The following RTL9 variants were observed in gnomAD, a reference collection of about 807,000 sequenced individuals.
The protein encoded by RTL9 is retrotransposon Gag like 9.
Under a neutral mutation model 44.7 loss-of-function variants are expected in RTL9, and 19 were observed. The ratio of observed to expected loss-of-function variants is 0.42; its 90% CI spans 0.30 to 0.62. RTL9 has a LOEUF of 0.62. Among genes scored for constraint, RTL9 ranks in the 20% least tolerant of loss-of-function variants. The probability of loss-of-function intolerance (pLI) is 0.16; values close to 1 mark genes in which losing one functional copy is unlikely to be tolerated. For synonymous variants in RTL9, 407 were observed against 398.9 expected (o/e 1.02, Z -0.24); for missense variants, 1,105 against 1,080.6 (o/e 1.02, Z -0.32).
intron 1 of RTL9, among the ~76,000 whole-genome samples, chrX:110,379,313 T>C (rs946959099): frequency 2.7e-5 from 3 of 112,111 alleles, no homozygotes; most frequent in African/African-American, 9.7e-5. Context: ...CAGAGAAAAA[T>C]GAAAAAAATA....
At chrX:110,368,502 C>T (rs1366150632) in intron 1 of RTL9, among the ~76,000 whole-genome samples, 2 of 111,920 alleles carry the variant, frequency 1.8e-5, no homozygotes, top group Non-Finnish European at 3.8e-5. Context: ...GTTTCTTCCT[C>T]ATAGAGTGTC....
At chrX:110,410,962 G>A (rs1012489953) in intron 1 of RTL9, among the ~76,000 whole-genome samples, 7 of 112,176 alleles carry the variant, frequency 6.2e-5, no homozygotes, top group Non-Finnish European at 1.1e-4. Flanking sequence ...TCCTATTTTG[G>A]TTCCTAAATG....
At chrX:110,417,172 C>T (rs1053459040), upstream of RTL9, among the ~76,000 whole-genome samples, 8 of 112,145 alleles carry the variant, frequency 7.1e-5, no homozygotes, top group African/African-American at 2.3e-4. Flanking sequence ...ACTCTGAATC[C>T]CTCCTCTCGG....
exon 1 of RTL9, chrX:110,451,490 T>G: frequency 8.3e-7 from 1 of 1,211,831 alleles, no homozygotes; most frequent in Non-Finnish European, 1.1e-6. Flanking sequence ...CCCAAAACTC[T>G]GGGGGAATAC....
rs781000543 is a variant in RTL9, at chrX:110,369,540, AT to A, written c.-168+10631del. On this transcript the variant is annotated intron_variant, in intron 1 of 2. Coordinates refer to the RTL9 transcript ENST00000520821. Reference sequence around the variant, plus strand: ...ATTTCTAAACTGGAATTATAGCACAATTTTTTTAGAAACAGAAGTTAGATGA... The same window carrying A: ...ATTTCTAAACTGGAATTATAGCACAATTTTTTAGAAACAGAAGTTAGATGA... Among the ~76,000 whole-genome samples the A allele has an allele frequency of 2.7e-5, 3 of 110,636 alleles. No homozygotes were observed. In the East Asian group the frequency reaches 8.5e-4, roughly 31 times the overall value.
intron 1 of RTL9, among the ~76,000 whole-genome samples, chrX:110,372,443 T>A (rs1339265560): frequency 8.9e-6 from 1 of 112,000 alleles, no homozygotes; most frequent in African/African-American, 3.2e-5. Flanking sequence ...TTTATGCACA[T>A]AAAGGCTTAA....
intron 1 of RTL9, among the ~76,000 whole-genome samples, chrX:110,365,804 T>C (rs1294832326): frequency 9.0e-6 from 1 of 111,638 alleles, no homozygotes; most frequent in Non-Finnish European, 1.9e-5. Flanking sequence ...TTGCAAAGAG[T>C]GAGCGAGGTG....
upstream of RTL9, among the ~76,000 whole-genome samples, chrX:110,446,380 A>G (rs763476828): frequency 2.7e-5 from 3 of 111,420 alleles, no homozygotes; most frequent in African/African-American, 9.8e-5. Flanking sequence ...TGGTACAACC[A>G]TTAAGCTTGT....
intron 1 of RTL9, among the ~76,000 whole-genome samples, chrX:110,432,975 G>A (rs2068808967): frequency 8.9e-6 from 1 of 112,797 alleles, no homozygotes; most frequent in Non-Finnish European, 1.9e-5. Flanking sequence ...CAGACAGTCA[G>A]TGGCAGACTT....
intron 1 of RTL9, among the ~76,000 whole-genome samples, chrX:110,359,188 T>A (rs764064866): frequency 3.6e-5 from 4 of 111,408 alleles, no homozygotes; most frequent in Non-Finnish European, 7.5e-5. Context: ...GGCTGTGTTA[T>A]ACTGCTTCGC....
At chrX:110,393,222 C>G (rs146772330) in intron 1 of RTL9, among the ~76,000 whole-genome samples, 12,405 of 111,084 alleles carry the variant, frequency 0.11, 1,119 homozygotes, top group African/African-American at 0.3. Flanking sequence ...TTTTGGACCA[C>G]TTAACTTCCA....
intron 1 of RTL9, among the ~76,000 whole-genome samples, chrX:110,405,791 AAGTGGAGGAGCC>A (rs1486204301): frequency 1.8e-5 from 2 of 111,840 alleles, no homozygotes; most frequent in African/African-American, 6.5e-5. Context: ...CCCAGCTAGT[AAGTGGAGGAGCC>A]AGAACTTAAA....
Position 110,455,183 on chromosome X carries a change from G to A in RTL9, c.4048-19G>A. The A allele has an allele frequency of 1.7e-6, 2 of 1,209,014 alleles. No homozygotes were observed. Among genetic ancestry groups the A allele is most frequent in the East Asian group, 3.0e-5 (1 of 33,808 alleles). On this transcript the variant is annotated intron_variant, in intron 1 of 1. Coordinates refer to ENST00000540313, the Ensembl canonical transcript of RTL9. The stretch of plus-strand genomic sequence containing the variant: ...AGTAAGTGTGGCTCTTACCTCTGTT[G>A]TCTTTTTCTCACTCCCAGCACCAGC...
intron 1 of RTL9, among the ~76,000 whole-genome samples, chrX:110,375,827 G>C (rs1178424419): frequency 1.8e-5 from 2 of 112,002 alleles, no homozygotes; most frequent in Non-Finnish European, 3.8e-5. Context: ...AAAAGTATAA[G>C]ACATTTTGAG....
chrX:110,449,108 G>T (rs1208047194), upstream of RTL9, among the ~76,000 whole-genome samples: 1 of 110,607 alleles, frequency 9.0e-6, no homozygotes, highest in Admixed American at 9.6e-5. Context: ...ACTGAGTAAG[G>T]GGGAGAGGTG....
intron 1 of RTL9, among the ~76,000 whole-genome samples, chrX:110,376,746 C>T (rs1239108399): frequency 8.9e-6 from 1 of 112,490 alleles, no homozygotes; most frequent in Non-Finnish European, 1.9e-5. Flanking sequence ...TCACTTAAAC[C>T]TCCCTGCGAC....
intron 1 of RTL9, among the ~76,000 whole-genome samples, chrX:110,425,663 A>T (rs1230619210): frequency 4.5e-5 from 5 of 112,265 alleles, no homozygotes; most frequent in Non-Finnish European, 9.4e-5. Context: ...AATTCATTTA[A>T]TCCTCACACA....
intron 1 of RTL9, among the ~76,000 whole-genome samples, chrX:110,425,848 C>T (rs1297114391): frequency 2.7e-5 from 3 of 112,401 alleles, no homozygotes; most frequent in Non-Finnish European, 5.6e-5. Flanking sequence ...GAATGTCTGT[C>T]GAAGGAATAA....
At chrX:110,444,849 G>A (rs748298085) in intron 1 of RTL9, among the ~76,000 whole-genome samples, 7 of 112,281 alleles carry the variant, frequency 6.2e-5, no homozygotes, top group African/African-American at 2.3e-4. Context: ...TTACAGCTTT[G>A]GAGTTTACGG....
Sources: gnomAD v4.1 joint callset for allele counts (sites outside exome capture counted in the v4.1 genomes callset) on GRCh38, gnomAD v4.1.1 for gene constraint, MANE v1.5 for transcripts, NCBI Gene and HGNC (gene_info 2026-07-23, HGNC 2026-07-21) for gene names.